The following DHRS7B variants were observed in gnomAD, a reference collection of about 807,000 sequenced individuals.
DHRS7B encodes dehydrogenase/reductase 7B, also known as peroxisomal reductase activating PPAR-gamma.
DHRS7B carries 24 observed loss-of-function variants against 26.4 expected under a neutral mutation model. The observed-to-expected ratio is 0.91, with a 90% CI of 0.66 to 1.28. The LOEUF is 1.28. DHRS7B is among the 50% of genes most tolerant of loss of function. The pLI is 0.00. For synonymous variants in DHRS7B, 142 were observed against 166.4 expected (o/e 0.85, Z 1.13); for missense variants, 368 against 419.4 (o/e 0.88, Z 1.07).
intron 1 of DHRS7B, among the ~76,000 whole-genome samples, chr17:21,135,664 AC>A (rs1255988441): frequency 6.6e-6 from 1 of 152,220 alleles, no homozygotes; most frequent in Non-Finnish European, 1.5e-5. Flanking sequence ...TTTAATCTTG[AC>A]CGTAAGATAT....
At chr17:21,138,591 C>T (rs186799674) in intron 1 of DHRS7B, among the ~76,000 whole-genome samples, 18 of 152,160 alleles carry the variant, frequency 1.2e-4, no homozygotes, top group South Asian at 6.2e-4. Flanking sequence ...TATTCTTTCT[C>T]GTAAAATTAT....
Position 21,181,878 on chromosome 17 carries a change from T to TCACGC in DHRS7B, c.310-1714_310-1713insCGCCA, listed in dbSNP as rs1567629396. Among the ~76,000 whole-genome samples the TCACGC allele has an allele frequency of 2.8e-4, 43 of 151,540 alleles. 1 individual carries two copies. On this transcript the variant is annotated intron_variant, in intron 3 of 6. Coordinates refer to ENST00000395511, the MANE Select transcript of DHRS7B (RefSeq NM_015510.5). ...TTATTGGAATTTCCTATATATAGAATCATCTGCAAACAGAGGTAGTTTTAC... is the reference window on the plus strand; with the variant it reads ...TTATTGGAATTTCCTATATATAGAATCACGCCATCTGCAAACAGAGGTAGTTTTAC...
chr17:21,175,208 G>A (rs1036002878), intron 2 of DHRS7B, among the ~76,000 whole-genome samples: 1 of 152,234 alleles, frequency 6.6e-6, no homozygotes, highest in Non-Finnish European at 1.5e-5. Flanking sequence ...ACGTCAGGGA[G>A]CCTTCCCTCA....
At chr17:21,167,058 G>A (rs772546047) in intron 1 of DHRS7B, among the ~76,000 whole-genome samples, 18 of 152,092 alleles carry the variant, frequency 1.2e-4, no homozygotes, top group Non-Finnish European at 2.2e-4. Context: ...AACGGATTCC[G>A]TCTGTGAAAT....
At chr17:21,139,195 C>A (rs1973434230) in intron 1 of DHRS7B, among the ~76,000 whole-genome samples, 2 of 152,146 alleles carry the variant, frequency 1.3e-5, no homozygotes, top group African/African-American at 4.8e-5. Context: ...TGCCTAAAGC[C>A]ATGAGGTTAG....
intron 1 of DHRS7B, among the ~76,000 whole-genome samples, chr17:21,162,275 C>T (rs924897703): frequency 6.6e-6 from 1 of 152,096 alleles, no homozygotes; most frequent in Non-Finnish European, 1.5e-5. Context: ...TGCCGTAATT[C>T]GTTTTAGTGA....
chr17:21,191,307 G>T lies in DHRS7B; in HGVS notation c.*154G>T. ...CATCTCGTGCAGATCTGCTGGCAGA[G>T]GACAATCAAAAACGACAACAAGCTT... On this transcript the variant is annotated 3_prime_UTR_variant, in exon 7 of 7. Transcript: ENST00000395511. 2.6e-6 allele frequency: 2 copies of T among 766,894 alleles called. No homozygotes were observed. The highest frequency in any genetic ancestry group is 4.1e-6 in the Non-Finnish European group (2 of 483,912). 47.5% of individuals were successfully genotyped at this position (766,894 alleles called of 1,614,324 possible).
At chr17:21,133,814 A>C (rs1416149782) in intron 1 of DHRS7B, among the ~76,000 whole-genome samples, 1 of 152,156 alleles carries the variant, frequency 6.6e-6, no homozygotes, top group Non-Finnish European at 1.5e-5. Flanking sequence ...GAAGGGAGAA[A>C]AACAACAACA....
intron 1 of DHRS7B, among the ~76,000 whole-genome samples, chr17:21,138,054 C>G (rs1973388723): frequency 7.6e-6 from 1 of 131,812 alleles, no homozygotes; most frequent in Admixed American, 7.7e-5. Flanking sequence ...ATTACAGGTG[C>G]CCGGCCTCTT....
chr17:21,177,535 C>T (rs1054358390), intron 2 of DHRS7B, among the ~76,000 whole-genome samples: 1 of 152,188 alleles, frequency 6.6e-6, no homozygotes, highest in Non-Finnish European at 1.5e-5. Context: ...GTCCCCACTC[C>T]CTCCCGCCCA....
intron 1 of DHRS7B, among the ~76,000 whole-genome samples, chr17:21,168,214 C>G (rs182524886): frequency 2.8e-4 from 42 of 152,312 alleles, no homozygotes; most frequent in African/African-American, 9.4e-4. Context: ...TTGAAAAACT[C>G]TGGAAAGAGT....
chr17:21,186,411 T>C (rs1400105162), intron 5 of DHRS7B, among the ~76,000 whole-genome samples: 1 of 152,204 alleles, frequency 6.6e-6, no homozygotes, highest in African/African-American at 2.4e-5. Flanking sequence ...TAACCCACTC[T>C]TCCCTGTCCC....
intron 1 of DHRS7B, among the ~76,000 whole-genome samples, chr17:21,135,511 T>C (rs1973322013): frequency 6.6e-6 from 1 of 152,154 alleles, no homozygotes; most frequent in Non-Finnish European, 1.5e-5. Flanking sequence ...TTAACCAAAA[T>C]GATAAGGATT....
rs537493444 is a variant in DHRS7B, at chr17:21,138,923, T to C, written c.20+11932T>C. Among the ~76,000 whole-genome samples, 14 of 152,336 alleles carry C rather than the reference T, an allele frequency of 9.2e-5. No individual in the cohort carries two copies. The South Asian group carries it at 2.9e-3, about 32-fold the overall frequency. On this transcript the variant is annotated intron_variant, in intron 1 of 6. Transcript: ENST00000395511. Reference sequence around the variant, plus strand: ...ATTTATCCCATTACATTTACCTAATTATTTTATTTGTTTACGTACATTATT... The same window carrying C: ...ATTTATCCCATTACATTTACCTAATCATTTTATTTGTTTACGTACATTATT...
At chr17:21,188,646 G>T (rs1305119913) in intron 5 of DHRS7B, 65 bp from the exon 6 acceptor site, 1 of 1,492,294 alleles carries the variant, frequency 6.7e-7, no homozygotes, top group African/African-American at 1.4e-5. Context: ...GTAGTGAATA[G>T]TTGGGCACCA....
chr17:21,133,010 C>T lies in DHRS7B; in HGVS notation c.20+6019C>T, dbSNP rs75148464. ...ACCATTTGCTAGCCATGTGACTTCA[C>T]GTACTTTTCTTATTTAGCAAATGAA... On this transcript the variant is annotated intron_variant, in intron 1 of 6. Coordinates refer to ENST00000395511, the MANE Select transcript of DHRS7B (RefSeq NM_015510.5). 7.2e-3 allele frequency among the ~76,000 whole-genome samples: 1,096 copies of T among 152,196 alleles called. 17 individuals carry two copies. The highest frequency in any genetic ancestry group is 0.025 in the African/African-American group (1,037 of 41,514).
chr17:21,175,085 C>T (rs1974344188), intron 2 of DHRS7B, among the ~76,000 whole-genome samples: 3 of 152,228 alleles, frequency 2.0e-5, no homozygotes, highest in Non-Finnish European at 4.4e-5. Flanking sequence ...CTTAGCACCT[C>T]TTTCCCGAAG....
intron 2 of DHRS7B, among the ~76,000 whole-genome samples, chr17:21,174,485 A>G (rs1974330735): frequency 6.6e-6 from 1 of 152,146 alleles, no homozygotes; most frequent in Admixed American, 6.5e-5. Flanking sequence ...CGTACCTTGG[A>G]GTTGTTTTCC....
chr17:21,184,943 CACTT>C (rs1974599236), intron 5 of DHRS7B, among the ~76,000 whole-genome samples: 1 of 152,216 alleles, frequency 6.6e-6, no homozygotes, highest in Non-Finnish European at 1.5e-5. Flanking sequence ...TTGTTAATCT[CACTT>C]AATGTATCTT....
Sources: allele counts gnomAD v4.1 joint callset (sites outside exome capture counted in the v4.1 genomes callset), GRCh38; gene constraint gnomAD v4.1.1; transcripts MANE v1.5; gene names NCBI Gene and HGNC (gene_info 2026-07-23, HGNC 2026-07-21).